KTN1: variants seen among roughly 807,000 people sequenced by gnomAD.
KTN1 encodes kinectin.
KTN1 carries 130 observed loss-of-function variants against 222.5 expected under a neutral mutation model. The ratio of observed to expected loss-of-function variants is 0.58; its 90% CI spans 0.51 to 0.68. KTN1 has a LOEUF of 0.68. Among genes scored for constraint, KTN1 ranks in the 30% least tolerant of loss-of-function variants. KTN1 has a pLI of 0.00. For synonymous variants in KTN1, 512 were observed against 496.3 expected (o/e 1.03, Z -0.42); for missense variants, 1,508 against 1,500.4 (o/e 1.01, Z -0.08).
chr14:55,631,397 A>G (rs1388354611), intron 7 of KTN1, among the ~76,000 whole-genome samples: 1 of 141,282 alleles, frequency 7.1e-6, no homozygotes, highest in African/African-American at 2.7e-5. Context: ...AATCATGAGC[A>G]ATGATGTTTT....
Position 55,641,134 on chromosome 14 carries a change from G to T in KTN1, c.2029G>T (p.Val677Phe), listed in dbSNP as rs200096392. The change falls in exon 17 of 44, where the codon GTT becomes TTT. Residue 677 changes from valine to phenylalanine, a missense_variant. Transcript: ENST00000395314. ...ELEKMQQSVY[V>F]KDDKIRLLEE... is the part of the protein sequence containing the mutation. The stretch of plus-strand genomic sequence containing the variant: ...TTTTTTTCACCCTCATAGTGTTTAT[G>T]TTAAAGATGATAAAATAAGATTGCT... 2 of 1,580,496 alleles carry T rather than the reference G, an allele frequency of 1.3e-6. No homozygotes were observed. Among genetic ancestry groups the T allele is most frequent in the East Asian group, 4.5e-5 (2 of 44,604 alleles).
At chr14:55,669,975 A>G (rs2045302172) in intron 34 of KTN1, among the ~76,000 whole-genome samples, 1 of 152,036 alleles carries the variant, frequency 6.6e-6, no homozygotes, top group Non-Finnish European at 1.5e-5. Flanking sequence ...GATTTAAAGT[A>G]TGTAACACAC....
In KTN1 at chr14:55,648,784, T is replaced by TA; in HGVS notation, c.2299-17dup. The TA allele has an allele frequency of 1.3e-6, 2 of 1,541,362 alleles. No homozygotes were observed. Among genetic ancestry groups the TA allele is most frequent in the Admixed American group, 1.7e-5 (1 of 59,018 alleles). On this transcript the variant is annotated splice_polypyrimidine_tract_variant and intron_variant, in intron 20 of 43. Coordinates refer to ENST00000395314, the MANE Select transcript of KTN1 (RefSeq NM_001079521.2). ...TCAGAGAGTAAAATCATGTTTTGCT[T>TA]ATGTGTCTTTGAAAAAGGCAATAAG...
chr14:55,607,645 AT>A (rs981609586), intron 1 of KTN1, among the ~76,000 whole-genome samples: 8 of 152,134 alleles, frequency 5.3e-5, no homozygotes, highest in Non-Finnish European at 1.5e-5. Flanking sequence ...GAGAAATCCT[AT>A]TTGCCACCAC....
At chr14:55,651,761 C>A in intron 24 of KTN1, 129 bp from the exon 25 acceptor site, 1 of 620,112 alleles carries the variant, frequency 1.6e-6, no homozygotes, top group Non-Finnish European at 2.8e-6. Context: ...CAAAACACAT[C>A]TCATTTTGTC....
chr14:55,601,264 T>G (rs2035930843), intron 1 of KTN1, among the ~76,000 whole-genome samples: 1 of 152,196 alleles, frequency 6.6e-6, no homozygotes, highest in Admixed American at 6.5e-5. Context: ...ATGTGAGTCA[T>G]AGAAATAACT....
chr14:55,656,218 A>G (rs2043452909), intron 29 of KTN1, 86 bp downstream of exon 29: 3 of 889,638 alleles, frequency 3.4e-6, no homozygotes, highest in Non-Finnish European at 5.3e-6. Context: ...GCCAAAAAAT[A>G]GAGTACAGAA....
At chr14:55,637,148 G>A (rs757835639) in intron 10 of KTN1, 50 bp from the exon 11 acceptor site, 1 of 1,387,200 alleles carries the variant, frequency 7.2e-7, no homozygotes, top group Non-Finnish European at 9.9e-7. Flanking sequence ...ATGAGTATGA[G>A]TAACTAGGCA....
chr14:55,639,374 T>C (rs2041520037), intron 13 of KTN1, 152 bp downstream of exon 13: 1 of 507,450 alleles, frequency 2.0e-6, no homozygotes, highest in Non-Finnish European at 3.5e-6. Context: ...TTTTTTTTTT[T>C]TTTTTCCTTT....
chr14:55,598,222 T>C (rs1390694875), intron 1 of KTN1, among the ~76,000 whole-genome samples: 2 of 152,102 alleles, frequency 1.3e-5, no homozygotes, highest in Non-Finnish European at 2.9e-5. Flanking sequence ...GATCACGAGG[T>C]CAGGAGATTG....
At chr14:55,656,327 T>A (rs745911473) in intron 29 of KTN1, 195 bp downstream of exon 29, 4 of 504,210 alleles carry the variant, frequency 7.9e-6, no homozygotes, top group Non-Finnish European at 1.4e-5. Flanking sequence ...TACTTGTTTA[T>A]TAAATACTCT....
intron 1 of KTN1, among the ~76,000 whole-genome samples, chr14:55,581,880 G>T (rs1313599387): frequency 2.0e-5 from 3 of 151,596 alleles, no homozygotes; most frequent in South Asian, 2.1e-4. Context: ...TGTGCTGCCT[G>T]ATAAAAAAGG....
At chr14:55,586,917 C>T (rs780477397) in intron 1 of KTN1, among the ~76,000 whole-genome samples, 1 of 152,128 alleles carries the variant, frequency 6.6e-6, no homozygotes, top group Non-Finnish European at 1.5e-5. Context: ...ATCTTATAGA[C>T]ATTTCTTAAT....
chr14:55,602,711 A>C (rs1015364967), intron 1 of KTN1, among the ~76,000 whole-genome samples: 1 of 151,870 alleles, frequency 6.6e-6, no homozygotes, highest in Non-Finnish European at 1.5e-5. Context: ...TCTTCCAAGC[A>C]GCTGGGACTA....
rs1028776931 is a variant in KTN1 at position 55,670,883 on chromosome 14, C to G, written c.3348+74C>G. 9.3e-6 allele frequency: 9 copies of G among 963,532 alleles called. No individual in the cohort carries two copies. The South Asian group carries it at 1.1e-4, about 12-fold the overall frequency. 59.7% of individuals were successfully genotyped at this position (963,532 alleles called of 1,614,324 possible). Reference sequence around the variant, plus strand: ...GCAAATAAGATTTTGTCTTCATAAGCTTGGAAAAGATAAAAGATAATCGAA... The same window carrying G: ...GCAAATAAGATTTTGTCTTCATAAGGTTGGAAAAGATAAAAGATAATCGAA... On this transcript the variant is annotated intron_variant, in intron 35 of 43. Coordinates refer to ENST00000395314, the MANE Select transcript of KTN1 (RefSeq NM_001079521.2).
chr14:55,634,014 C>A (rs778950392), intron 8 of KTN1, among the ~76,000 whole-genome samples: 1 of 152,210 alleles, frequency 6.6e-6, no homozygotes, highest in South Asian at 2.1e-4. Flanking sequence ...GTGGCACACA[C>A]CTGTAATCTC....
chr14:55,641,981 A>G (rs1468230308), intron 18 of KTN1, among the ~76,000 whole-genome samples: 1 of 152,188 alleles, frequency 6.6e-6, no homozygotes, highest in Admixed American at 6.5e-5. Context: ...AAAAATAAAA[A>G]TGTGTAATAG....
chr14:55,583,929 A>G (rs2032338469), intron 1 of KTN1, among the ~76,000 whole-genome samples: 1 of 152,150 alleles, frequency 6.6e-6, no homozygotes, highest in Non-Finnish European at 1.5e-5. Flanking sequence ...GCTCTGTCTT[A>G]TCTTGAAAAT....
chr14:55,646,137 G>A (rs1189262241), intron 18 of KTN1, among the ~76,000 whole-genome samples: 3 of 152,056 alleles, frequency 2.0e-5, no homozygotes, highest in African/African-American at 7.2e-5. Context: ...GTGTACCAGA[G>A]GATGCCAGGA....
Sources: gnomAD v4.1 joint callset for allele counts (sites outside exome capture counted in the v4.1 genomes callset) on GRCh38, gnomAD v4.1.1 for gene constraint, MANE v1.5 for transcripts, NCBI Gene and HGNC (gene_info 2026-07-23, HGNC 2026-07-21) for gene names.